Variants in ANKRD36B observed in about 807,000 individuals in gnomAD.
The protein encoded by ANKRD36B is ankyrin repeat domain 36B.
A neutral mutation model predicts 135.7 loss-of-function variants in ANKRD36B; 37 were observed. That is an observed-to-expected ratio of 0.27 (90% confidence interval 0.21 to 0.36). The LOEUF is 0.36. Ranked by LOEUF, ANKRD36B falls within the 10% of genes least tolerant of loss-of-function variation. The pLI is 1.00. For missense variants in ANKRD36B, 549 were observed against 1,037.1 expected, an observed-to-expected ratio of 0.53 and a Z score of 6.46; for synonymous variants, 179 against 348.1, an observed-to-expected ratio of 0.51 and a Z score of 5.41.
At chr2:97,496,136 T>C (rs2077301496) in intron 43 of ANKRD36B, among the ~76,000 whole-genome samples, 1 of 102,824 alleles carries the variant, frequency 9.7e-6, no homozygotes, top group South Asian at 2.3e-4. Context: ...AGTACAATGG[T>C]ATTATTGCTG....
intron 18 of ANKRD36B, 141 bp downstream of exon 18, chr2:97,551,148 C>T (rs1340063581): frequency 5.7e-6 from 7 of 1,227,420 alleles, no homozygotes; most frequent in Non-Finnish European, 7.9e-6. Flanking sequence ...TCAGCATAAC[C>T]CAAGAACTTA....
intron 35 of ANKRD36B, among the ~76,000 whole-genome samples, chr2:97,525,707 G>T (rs1176783947): frequency 1.0e-5 from 1 of 97,412 alleles, no homozygotes; most frequent in African/African-American, 3.1e-5. Flanking sequence ...CCCTAATACT[G>T]CACTTTTCCA....
At chr2:97,506,761 G>T (rs1348417910) in intron 43 of ANKRD36B, among the ~76,000 whole-genome samples, 3 of 91,302 alleles carry the variant, frequency 3.3e-5, no homozygotes, top group African/African-American at 8.2e-5. Context: ...TAGTCTATAG[G>T]GGTGGCAGAA....
At chr2:97,547,295 G>C (rs1307725769) in intron 22 of ANKRD36B, 1 of 469,154 alleles carries the variant, frequency 2.1e-6, no homozygotes, top group Non-Finnish European at 3.7e-6. Context: ...CTTATGCCTT[G>C]AACTGCTCAC....
At chr2:97,553,916 T>C (rs2080271748) in intron 14 of ANKRD36B, among the ~76,000 whole-genome samples, 1 of 151,978 alleles carries the variant, frequency 6.6e-6, no homozygotes, top group Non-Finnish European at 1.5e-5. Context: ...TGGATATATG[T>C]TTCCTGAATC....
In ANKRD36B at chr2:97,549,475, T is replaced by C; in HGVS notation, c.1421A>G (p.Glu474Gly). Residue 474 changes from glutamate to glycine, a missense_variant, in exon 20 of 44, where the codon GAA becomes GGA. Coordinates refer to ENST00000359901, the MANE Select transcript of ANKRD36B (RefSeq NM_001393939.1). ...PPALKATSVK[E>G]DSVLNIAREK... ...TCTGGCTATATTCAAAACAGAATCT[T>C]CCTTGACACTTGTAGCCTGAATGGA... 7 of 1,592,802 alleles carry C rather than the reference T, an allele frequency of 4.4e-6. No homozygotes were observed. The highest frequency in any genetic ancestry group is 6.0e-6 in the Non-Finnish European group (7 of 1,169,264).
intron 12 of ANKRD36B, among the ~76,000 whole-genome samples, chr2:97,556,499 C>G (rs1245130013): frequency 6.6e-6 from 1 of 151,852 alleles, no homozygotes; most frequent in Admixed American, 6.6e-5. Flanking sequence ...AAAATAGTTA[C>G]TACATCAGTG....
In ANKRD36B at chr2:97,551,270, A is replaced by C. The variant is rs772311875; in HGVS notation, c.1375+19T>G. ...TTATCTGGACTGAACATGACATTAAATGTGTTTCGCAAAATTACCTGTCCT... is the reference window on the plus strand; with the variant it reads ...TTATCTGGACTGAACATGACATTAACTGTGTTTCGCAAAATTACCTGTCCT... On this transcript the variant is annotated intron_variant, in intron 18 of 43. Coordinates refer to ENST00000359901, the MANE Select transcript of ANKRD36B (RefSeq NM_001393939.1). The C allele has an allele frequency of 6.5e-7, 1 of 1,545,912 alleles. No individual in the cohort carries two copies. Among genetic ancestry groups the C allele is most frequent in the South Asian group, 1.2e-5 (1 of 84,580 alleles).
Position 97,553,195 on chromosome 2 carries a change from T to C in ANKRD36B, c.1246A>G (p.Ile416Val), listed in dbSNP as rs554843519. 31 of 1,611,446 alleles carry C rather than the reference T, an allele frequency of 1.9e-5. No individual in the cohort carries two copies. In the South Asian group the frequency reaches 3.3e-4, roughly 17 times the overall value. ...GTCCCAGATTTTTCTCCATCCTTTATTTCTGTGGCTATATTAGAAACAGAA... is the reference window on the plus strand; with the variant it reads ...GTCCCAGATTTTTCTCCATCCTTTACTTCTGTGGCTATATTAGAAACAGAA... ...EGSVSNIATE[I>V]KDGEKSGTVS... The change falls in exon 16 of 44, where the codon ATA becomes GTA. Residue 416 changes from isoleucine (I) to valine (V), a missense_variant. Coordinates refer to ENST00000359901, the MANE Select transcript of ANKRD36B (RefSeq NM_001393939.1).
chr2:97,547,244 G>T (rs2079552908), intron 22 of ANKRD36B: 2 of 322,870 alleles, frequency 6.2e-6, no homozygotes, highest in East Asian at 7.2e-5. Context: ...CTGAAAACAA[G>T]CTGGAGAATT....
intron 10 of ANKRD36B, among the ~76,000 whole-genome samples, chr2:97,557,531 T>C (rs1470532325): frequency 6.6e-6 from 1 of 151,918 alleles, no homozygotes; most frequent in East Asian, 1.9e-4. Context: ...CAGAGGGATT[T>C]ATACCATTAT....
At position 97,574,107 on chromosome 2, in the gene ANKRD36B, C is replaced by T. The variant is rs1243460229; in HGVS notation, c.763+2272G>A. Among the ~76,000 whole-genome samples the T allele has an allele frequency of 2.0e-5, 3 of 152,196 alleles. No individual in the cohort carries two copies. The South Asian group carries it at 6.2e-4, about 32-fold the overall frequency. On this transcript the variant is annotated intron_variant, in intron 6 of 43. Transcript: ENST00000359901. ...ACCATCAGAGTGAACAGGCAACCTA[C>T]GGAATGGGAGAAAATTTTTGCAACT...
chr2:97,544,157 G>T (rs2104556063), intron 24 of ANKRD36B, among the ~76,000 whole-genome samples, 172 bp from the exon 25 acceptor site: 1 of 34,742 alleles, frequency 2.9e-5, no homozygotes, highest in South Asian at 5.0e-4. Context: ...ACTGAAAAAG[G>T]TGAATACAGG....
At chr2:97,563,675 G>T (rs1341737624) in intron 6 of ANKRD36B, among the ~76,000 whole-genome samples, 1 of 152,056 alleles carries the variant, frequency 6.6e-6, no homozygotes, top group Non-Finnish European at 1.5e-5. Context: ...TCTCTGAAAA[G>T]CACACACTGG....
chr2:97,554,983 C>T, intron 14 of ANKRD36B, 77 bp downstream of exon 14: 1 of 1,528,074 alleles, frequency 6.5e-7, no homozygotes, highest in South Asian at 1.2e-5. Flanking sequence ...ATGAGCCCCC[C>T]CACTGATTTA....
At chr2:97,562,135 C>T (rs1447939003) in intron 6 of ANKRD36B, among the ~76,000 whole-genome samples, 1 of 151,832 alleles carries the variant, frequency 6.6e-6, no homozygotes, top group Non-Finnish European at 1.5e-5. Context: ...CAAAAACATA[C>T]ACATCAATGA....
chr2:97,524,901 G>C (rs1171395353), intron 35 of ANKRD36B: 1 of 97,074 alleles, frequency 1.0e-5, no homozygotes, highest in African/African-American at 3.1e-5. Context: ...TTCACTACTA[G>C]TTGTTGAGAC....
chr2:97,576,815 G>A (rs1479503343), intron 5 of ANKRD36B, among the ~76,000 whole-genome samples: 1 of 151,992 alleles, frequency 6.6e-6, no homozygotes, highest in Non-Finnish European at 1.5e-5. Context: ...CTTTCACTAG[G>A]TTGTTATATA....
At chr2:97,529,783 A>G (rs1216641712) in intron 35 of ANKRD36B, among the ~76,000 whole-genome samples, 2 of 95,452 alleles carry the variant, frequency 2.1e-5, no homozygotes, top group Non-Finnish European at 5.6e-5. Flanking sequence ...GAGCCAAATC[A>G]TGAGTGAATT....
Sources: gnomAD v4.1 joint callset for allele counts (sites outside exome capture counted in the v4.1 genomes callset) on GRCh38, gnomAD v4.1.1 for gene constraint, MANE v1.5 for transcripts, NCBI Gene and HGNC (gene_info 2026-07-23, HGNC 2026-07-21) for gene names.